Variants in FER1L6 observed in about 807,000 individuals in gnomAD.
FER1L6 encodes fer-1-like protein 6.
A neutral mutation model predicts 219.2 loss-of-function variants in FER1L6; 177 were observed. That is an observed-to-expected ratio of 0.81 (90% confidence interval 0.71 to 0.91). The LOEUF is 0.91. FER1L6 is among the 40% of genes least tolerant of loss of function. FER1L6 has a pLI of 0.00. For synonymous variants in FER1L6, 768 were observed against 824.3 expected, an observed-to-expected ratio of 0.93 and a Z score of 1.17; for missense variants, 2,153 against 2,259.9, an observed-to-expected ratio of 0.95 and a Z score of 0.96.
chr8:123,886,664 A>T (rs937365947), intron 1 of FER1L6, among the ~76,000 whole-genome samples: 69 of 152,352 alleles, frequency 4.5e-4, no homozygotes, highest in African/African-American at 1.6e-3. Flanking sequence ...TCTCTAAGAC[A>T]GTCTTAATTT....
intron 17 of FER1L6, among the ~76,000 whole-genome samples, chr8:124,022,647 A>G (rs892434623): frequency 2.0e-5 from 3 of 152,256 alleles, no homozygotes; most frequent in Non-Finnish European, 4.4e-5. Context: ...CTTGCCTAAG[A>G]GCAAGTGTAA....
chr8:123,906,337 G>T (rs1812952811), intron 1 of FER1L6, among the ~76,000 whole-genome samples: 1 of 152,106 alleles, frequency 6.6e-6, no homozygotes, highest in Non-Finnish European at 1.5e-5. Flanking sequence ...CGTGGGCTCT[G>T]CCTCCCACCC....
intron 1 of FER1L6, among the ~76,000 whole-genome samples, chr8:123,935,214 A>C (rs1394610129): frequency 6.6e-6 from 1 of 152,070 alleles, no homozygotes; most frequent in African/African-American, 2.4e-5. Context: ...TTTTATTATC[A>C]GTATGAGCTT....
At chr8:123,892,097 C>A (rs552182761) in intron 1 of FER1L6, among the ~76,000 whole-genome samples, 1 of 152,218 alleles carries the variant, frequency 6.6e-6, no homozygotes, top group African/African-American at 2.4e-5. Context: ...AGAAATCTTA[C>A]CTTATGGTCA....
At chr8:124,067,253 A>G (rs755454609) in intron 27 of FER1L6, among the ~76,000 whole-genome samples, 1 of 152,234 alleles carries the variant, frequency 6.6e-6, no homozygotes, top group Non-Finnish European at 1.5e-5. Context: ...TTTCTCAAAT[A>G]TTGATATATA....
rs781338399 is a variant in FER1L6 at position 123,966,205 on chromosome 8, T to C, written c.299T>C (p.Ile100Thr). 1.2e-6 allele frequency: 2 copies of C among 1,613,920 alleles called. No individual in the cohort carries two copies. The highest frequency in any genetic ancestry group is 4.5e-5 in the East Asian group (2 of 44,876). The change falls in exon 5 of 41, where the codon ATT becomes ACT. Residue 100 changes from isoleucine (I) to threonine (T), a missense_variant. Transcript: ENST00000522917. ...TEARQLVGEN[I>T]DPVVTIEIGD... ...GCTCGCCAGCTGGTGGGTGAGAACA[T>C]TGACCCAGTTGTGACCATTGAGATT...
intron 1 of FER1L6, among the ~76,000 whole-genome samples, chr8:123,908,184 C>A (rs556346235): frequency 1.3e-5 from 2 of 152,202 alleles, no homozygotes; most frequent in African/African-American, 4.8e-5. Flanking sequence ...CATGAAATAA[C>A]AATAGGTTAT....
chr8:123,997,367 C>A (rs1817181685), intron 12 of FER1L6, among the ~76,000 whole-genome samples: 1 of 152,156 alleles, frequency 6.6e-6, no homozygotes, highest in Non-Finnish European at 1.5e-5. Context: ...AAGGTTTCCA[C>A]TGAGAAGTCT....
At chr8:123,869,926 G>T (rs1435504484) in intron 1 of FER1L6, among the ~76,000 whole-genome samples, 2 of 152,206 alleles carry the variant, frequency 1.3e-5, no homozygotes, top group African/African-American at 4.8e-5. Context: ...TTACAAAGGT[G>T]CAAAGGCAAT....
chr8:123,865,679 C>T (rs1360603769), intron 1 of FER1L6, among the ~76,000 whole-genome samples: 1 of 151,240 alleles, frequency 6.6e-6, no homozygotes, highest in Non-Finnish European at 1.5e-5. Flanking sequence ...GATATAGTCT[C>T]GTGGTGAGCC....
intron 12 of FER1L6, among the ~76,000 whole-genome samples, chr8:123,996,045 G>T (rs1817117045): frequency 6.6e-6 from 1 of 151,998 alleles, no homozygotes; most frequent in African/African-American, 2.4e-5. Context: ...TAATTGTTTT[G>T]AATTTTTAAA....
At position 124,049,641 on chromosome 8, in the gene FER1L6, C is replaced by T; in HGVS notation, c.2759C>T (p.Ala920Val). The stretch of plus-strand genomic sequence containing the variant: ...GAATATTTGGGTGCCACAGTGGCTG[C>T]TCCTGTTGTGAAGCTGGCTGACCAG... ...KPEYLGATVA[A>V]PVVKLADQDY... The change falls in exon 22 of 41, where the codon GCT (alanine) becomes GTT (valine). Residue 920 changes from alanine to valine, a missense_variant. Physicochemically the swap from Ala to Val is moderately conservative, Grantham distance 64. Coordinates refer to ENST00000522917, the MANE Select transcript of FER1L6 (RefSeq NM_001039112.2). 6.2e-7 allele frequency: 1 copy of T among 1,613,234 alleles called. No homozygotes were observed. The highest frequency in any genetic ancestry group is 8.5e-7 in the Non-Finnish European group (1 of 1,179,878).
At chr8:123,913,442 C>T (rs1426221274) in intron 1 of FER1L6, among the ~76,000 whole-genome samples, 3 of 152,126 alleles carry the variant, frequency 2.0e-5, no homozygotes, top group Non-Finnish European at 4.4e-5. Context: ...GCTGCCTCTC[C>T]CTTACAGATT....
intron 1 of FER1L6, among the ~76,000 whole-genome samples, chr8:123,938,664 A>G (rs1164286578): frequency 1.3e-5 from 2 of 150,484 alleles, no homozygotes; most frequent in African/African-American, 4.9e-5. Flanking sequence ...CTTGTGCCTC[A>G]GCCTCCTGAG....
At position 124,049,521 on chromosome 8, in the gene FER1L6, A is replaced by G; in HGVS notation, c.2725-86A>G. 5 of 1,440,800 alleles carry G rather than the reference A, an allele frequency of 3.5e-6. No individual in the cohort carries two copies. The South Asian group carries it at 6.1e-5, about 18-fold the overall frequency. The allele number at this position is 1,440,800 out of a possible 1,614,324, so 89.3% of individuals were successfully genotyped here. On this transcript the variant is annotated intron_variant, in intron 21 of 40. Transcript: ENST00000522917. ...GGAAGCTGATGGTTTTGTGGAGGTT[A>G]TTTTGTGGAGGTGATGGCATTGATG...
chr8:124,119,166 T>C (rs1294751642), intron 40 of FER1L6, among the ~76,000 whole-genome samples: 2 of 152,192 alleles, frequency 1.3e-5, no homozygotes, highest in African/African-American at 4.8e-5. Context: ...TCGATCTATT[T>C]GGGGAAAATA....
intron 3 of FER1L6, among the ~76,000 whole-genome samples, chr8:123,964,781 C>A (rs1815461512): frequency 6.6e-6 from 1 of 152,162 alleles, no homozygotes; most frequent in Non-Finnish European, 1.5e-5. Flanking sequence ...CAAATCCAAC[C>A]TCTGCAGTGA....
intron 1 of FER1L6, among the ~76,000 whole-genome samples, chr8:123,891,660 A>G (rs974891779): frequency 6.6e-6 from 1 of 152,238 alleles, no homozygotes; most frequent in Non-Finnish European, 1.5e-5. Flanking sequence ...TGTAGTATCA[A>G]TATTCCATTA....
At chr8:124,067,717 T>TCC (rs1820885786) in intron 27 of FER1L6, 50 bp from the exon 28 acceptor site, 3 of 1,474,062 alleles carry the variant, frequency 2.0e-6, no homozygotes, top group Non-Finnish European at 1.9e-6. Flanking sequence ...TAGCAGTCAA[T>TCC]TAATAAATCA....
Sources: gnomAD v4.1 joint callset for allele counts (sites outside exome capture counted in the v4.1 genomes callset) on GRCh38, gnomAD v4.1.1 for gene constraint, MANE v1.5 for transcripts, NCBI Gene and HGNC (gene_info 2026-07-23, HGNC 2026-07-21) for gene names.